Variants in CADM2 observed in about 807,000 individuals in gnomAD.
CADM2 encodes the protein immunoglobulin superfamily member 4D.
Under a neutral mutation model 49.8 loss-of-function variants are expected in CADM2, and 12 were observed. The observed-to-expected ratio is 0.24, with a 90% CI of 0.15 to 0.39. CADM2 has a LOEUF of 0.39. CADM2 is among the 10% of genes least tolerant of loss of function. CADM2 has a pLI of 1.00. For missense variants in CADM2, 378 were observed against 492.3 expected (o/e 0.77, Z 2.20); for synonymous variants, 214 against 175.4 (o/e 1.22, Z -1.74).
chr3:85,123,590 A>G (rs1054245797), intron 1 of CADM2, among the ~76,000 whole-genome samples: 1 of 152,148 alleles, frequency 6.6e-6, no homozygotes, highest in Non-Finnish European at 1.5e-5. Flanking sequence ...TTCTTTCCCT[A>G]GGAAGGACAT....
At chr3:85,840,833 T>C (rs543608814) in intron 3 of CADM2, among the ~76,000 whole-genome samples, 34 of 151,922 alleles carry the variant, frequency 2.2e-4, no homozygotes, top group African/African-American at 7.5e-4. Flanking sequence ...AATGAAACAT[T>C]AACTCTTATT....
intron 3 of CADM2, among the ~76,000 whole-genome samples, chr3:85,865,698 C>T (rs1178975083): frequency 2.6e-5 from 4 of 152,166 alleles, no homozygotes; most frequent in Non-Finnish European, 5.9e-5. Context: ...TGAGCCTAAA[C>T]TGTGATTGAA....
chr3:85,756,888 G>A (rs919919784), intron 2 of CADM2, among the ~76,000 whole-genome samples: 1 of 152,124 alleles, frequency 6.6e-6, no homozygotes, highest in Admixed American at 6.6e-5. Flanking sequence ...GACAGACAGA[G>A]ACGTTTTATA....
At chr3:85,397,259 C>A (rs893974460) in intron 1 of CADM2, among the ~76,000 whole-genome samples, 1 of 151,930 alleles carries the variant, frequency 6.6e-6, no homozygotes, top group Non-Finnish European at 1.5e-5. Flanking sequence ...TAGAAAATAC[C>A]AAGTTATTAT....
At chr3:85,604,633 C>T (rs1479011350) in intron 1 of CADM2, among the ~76,000 whole-genome samples, 2 of 151,934 alleles carry the variant, frequency 1.3e-5, no homozygotes, top group African/African-American at 2.4e-5. Context: ...TGAATATTTA[C>T]CAACTCCTGG....
rs867381326 is a variant in CADM2 at position 85,189,947 on chromosome 3, C to T, written c.61+230279C>T. On this transcript the variant is annotated intron_variant, in intron 1 of 9. Coordinates refer to ENST00000383699, the MANE Select transcript of CADM2 (RefSeq NM_001167675.2). ...AGCTTACACAAGGTAGCTGGTCTCC[C>T]TCATTTTTTTTTTTTTTTTTTTTTT... Among the ~76,000 whole-genome samples, 107 of 126,538 alleles carry T rather than the reference C, an allele frequency of 8.5e-4. 2 individuals carry two copies. The Middle Eastern group carries it at 0.03, about 36-fold the overall frequency. 83.0% of individuals were successfully genotyped at this position (126,538 alleles called of 152,430 possible).
At chr3:85,019,488 A>G (rs147480590) in intron 1 of CADM2, among the ~76,000 whole-genome samples, 3 of 152,268 alleles carry the variant, frequency 2.0e-5, no homozygotes, top group African/African-American at 7.2e-5. Context: ...GTATGAAAAA[A>G]CAAAGTGAAC....
At chr3:85,333,406 A>T (rs936430912) in intron 1 of CADM2, among the ~76,000 whole-genome samples, 7 of 151,798 alleles carry the variant, frequency 4.6e-5, no homozygotes, top group African/African-American at 1.4e-4. Context: ...TACAAGTTAA[A>T]TTTTATGTCT....
Position 85,935,867 on chromosome 3 carries a change from T to C in CADM2, c.791+10T>C. ...CCAAAGGAAAACCACTGTAAGTGAG[T>C]TAATGAGCAATAAAGCTTTTAACTT... On this transcript the variant is annotated intron_variant, in intron 7 of 9. Transcript: ENST00000383699. 6.6e-7 allele frequency: 1 copy of C among 1,511,876 alleles called. No homozygotes were observed. The highest frequency in any genetic ancestry group is 9.1e-7 in the Non-Finnish European group (1 of 1,095,100). The allele number at this position is 1,511,876 out of a possible 1,614,324, so 93.7% of individuals were successfully genotyped here. A position where few individuals can be genotyped will look rare whatever the true frequency, so the allele number is the denominator to read the frequency against.
At position 85,649,310 on chromosome 3, in the gene CADM2, T is replaced by C. The variant is rs112608880; in HGVS notation, c.62-77212T>C. ...TTGAGTCAATAACTATATATACTTA[T>C]TGTTTAGCAAAATATTTATGTAGGA... On this transcript the variant is annotated intron_variant, in intron 1 of 9. Coordinates refer to ENST00000383699, the MANE Select transcript of CADM2 (RefSeq NM_001167675.2). Among the ~76,000 whole-genome samples the C allele has an allele frequency of 9.1e-3, 1,384 of 152,256 alleles. 6 individuals carry two copies. The highest frequency in any genetic ancestry group is 0.015 in the Non-Finnish European group (988 of 67,970).
At chr3:85,492,500 G>A (rs1405222768) in intron 1 of CADM2, among the ~76,000 whole-genome samples, 1 of 151,996 alleles carries the variant, frequency 6.6e-6, no homozygotes, top group African/African-American at 2.4e-5. Context: ...GCTGAGGCAG[G>A]AGAATGGCTT....
chr3:85,812,714 G>A lies in CADM2; in HGVS notation c.238+10518G>A, dbSNP rs531588224. Among the ~76,000 whole-genome samples, 7 of 151,994 alleles carry A rather than the reference G, an allele frequency of 4.6e-5. No individual in the cohort carries two copies. The South Asian group carries it at 1.5e-3, about 32-fold the overall frequency. On this transcript the variant is annotated intron_variant, in intron 3 of 9. Transcript: ENST00000383699. ...TCCCTCCCCTATACCCCCACACCCTGACAGGCCTCAGTGTGTGATGTTCCC... is the reference window on the plus strand; with the variant it reads ...TCCCTCCCCTATACCCCCACACCCTAACAGGCCTCAGTGTGTGATGTTCCC...
chr3:85,360,682 T>C (rs1282771914), intron 1 of CADM2, among the ~76,000 whole-genome samples: 2 of 152,218 alleles, frequency 1.3e-5, no homozygotes, highest in African/African-American at 4.8e-5. Flanking sequence ...CTGTTGATTT[T>C]GCCTCCTAAT....
chr3:85,997,647 G>A (rs1047592508), intron 8 of CADM2, among the ~76,000 whole-genome samples: 1 of 152,088 alleles, frequency 6.6e-6, no homozygotes, highest in African/African-American at 2.4e-5. Context: ...GGATACTTGT[G>A]CAATTGTGTT....
intron 1 of CADM2, among the ~76,000 whole-genome samples, chr3:85,353,783 A>G (rs1044980461): frequency 6.6e-6 from 1 of 152,028 alleles, no homozygotes; most frequent in Admixed American, 6.6e-5. Context: ...CAATGCACCT[A>G]AAATTAGTGA....
At chr3:85,016,891 T>A (rs934636516) in intron 1 of CADM2, among the ~76,000 whole-genome samples, 6 of 150,202 alleles carry the variant, frequency 4.0e-5, no homozygotes, top group African/African-American at 1.5e-4. Flanking sequence ...TGAGAGTGAG[T>A]AGGAATGGAA....
chr3:85,923,553 CAAAA>C (rs1334326717), intron 6 of CADM2, among the ~76,000 whole-genome samples: 1 of 138,878 alleles, frequency 7.2e-6, no homozygotes, highest in Non-Finnish European at 1.6e-5. Context: ...AAAAAAACAA[CAAAA>C]CAAACAAACA....
intron 1 of CADM2, among the ~76,000 whole-genome samples, chr3:85,073,481 G>T (rs1318574908): frequency 6.6e-6 from 1 of 152,008 alleles, no homozygotes; most frequent in Non-Finnish European, 1.5e-5. Flanking sequence ...TTGTTAAAAA[G>T]ATAAAACCAA....
chr3:85,658,574 G>GTATATATATATA (rs1553656698), intron 1 of CADM2, among the ~76,000 whole-genome samples: 2 of 55,498 alleles, frequency 3.6e-5, no homozygotes, highest in Non-Finnish European at 3.2e-5. Flanking sequence ...TTGGATATAT[G>GTATATATATATA]TGTATATATA....
Sources: gnomAD v4.1 joint callset for allele counts (sites outside exome capture counted in the v4.1 genomes callset) on GRCh38, gnomAD v4.1.1 for gene constraint, MANE v1.5 for transcripts, NCBI Gene and HGNC (gene_info 2026-07-23, HGNC 2026-07-21) for gene names.